CNTNAP5: variants seen among roughly 807,000 people sequenced by gnomAD.
CNTNAP5 encodes contactin-associated protein-like 5.
In CNTNAP5, 72 loss-of-function variants were observed where a neutral mutation model predicts 150.2. That is an observed-to-expected ratio of 0.48 (90% confidence interval 0.40 to 0.58). CNTNAP5 has a LOEUF of 0.58. Among genes scored for constraint, CNTNAP5 ranks in the 20% least tolerant of loss-of-function variants. CNTNAP5 has a pLI of 0.00. For synonymous variants in CNTNAP5, 672 were observed against 619.8 expected, an observed-to-expected ratio of 1.08 and a Z score of -1.25; for missense variants, 1,636 against 1,626.2, an observed-to-expected ratio of 1.01 and a Z score of -0.10.
chr2:124,516,052 G>A (rs1389361316), intron 8 of CNTNAP5, among the ~76,000 whole-genome samples: 1 of 152,072 alleles, frequency 6.6e-6, no homozygotes, highest in African/African-American at 2.4e-5. Context: ...CCAGCTTCAG[G>A]GATAAGGAAT....
intron 6 of CNTNAP5, among the ~76,000 whole-genome samples, chr2:124,459,731 C>A (rs1693203794): frequency 1.3e-5 from 2 of 148,262 alleles, no homozygotes; most frequent in Admixed American, 1.4e-4. Context: ...ACACTCTAGC[C>A]TGGGCAACAA....
At chr2:124,264,239 G>A (rs1478991199) in intron 3 of CNTNAP5, among the ~76,000 whole-genome samples, 1 of 152,034 alleles carries the variant, frequency 6.6e-6, no homozygotes, top group East Asian at 1.9e-4. Context: ...CCTTGTAAAT[G>A]TTTGATACTA....
intron 1 of CNTNAP5, among the ~76,000 whole-genome samples, chr2:124,129,210 T>C (rs962487382): frequency 6.6e-6 from 1 of 152,074 alleles, no homozygotes; most frequent in Non-Finnish European, 1.5e-5. Context: ...ATTTAATTCA[T>C]AATAAAAAGA....
intron 6 of CNTNAP5, among the ~76,000 whole-genome samples, chr2:124,462,135 A>T (rs1448651905): frequency 1.3e-5 from 2 of 152,120 alleles, no homozygotes; most frequent in Non-Finnish European, 2.9e-5. Flanking sequence ...CCTATTCCTC[A>T]ATAGCCACCA....
chr2:124,619,842 CATATATATATATATATAT>C (rs58774096), intron 12 of CNTNAP5, among the ~76,000 whole-genome samples: 1,020 of 98,420 alleles, frequency 0.01, 38 homozygotes, highest in African/African-American at 0.052. Context: ...CTGTCTCATT[CATATATATATATATATAT>C]ATATATATAT....
At chr2:124,334,399 T>C (rs1264268520) in intron 3 of CNTNAP5, among the ~76,000 whole-genome samples, 2 of 152,056 alleles carry the variant, frequency 1.3e-5, no homozygotes, top group Non-Finnish European at 2.9e-5. Context: ...CAGAAAGGCC[T>C]ATGGAGTTTT....
At position 124,915,159 on chromosome 2, in the gene CNTNAP5, T is replaced by C. The variant is rs1678738105; in HGVS notation, c.*871T>C. ...ATATATATATACACACACACACACA[T>C]ATGTGTATATATGTATATATATATG... On this transcript the variant is annotated 3_prime_UTR_variant, in exon 24 of 24. Coordinates refer to ENST00000682447, the MANE Select transcript of CNTNAP5 (RefSeq NM_001367498.1). 1.8e-5 allele frequency: 3 copies of C among 165,258 alleles called. No individual in the cohort carries two copies. Among genetic ancestry groups the C allele is most frequent in the South Asian group, 4.2e-4 (2 of 4,794 alleles). 10.2% of individuals were successfully genotyped at this position (165,258 alleles called of 1,614,324 possible). A position where few individuals can be genotyped will look rare whatever the true frequency, so the allele number is the denominator to read the frequency against.
intron 10 of CNTNAP5, among the ~76,000 whole-genome samples, chr2:124,547,054 C>T (rs11886843): frequency 0.011 from 1,656 of 152,146 alleles, 14 homozygotes; most frequent in African/African-American, 0.029. Flanking sequence ...CTGTCTTTCC[C>T]CTGTCAAACC....
intron 14 of CNTNAP5, among the ~76,000 whole-genome samples, chr2:124,759,191 GAT>G (rs1409655219): frequency 1.3e-5 from 2 of 151,672 alleles, no homozygotes; most frequent in East Asian, 3.9e-4. Flanking sequence ...TCCAGAGAGA[GAT>G]ATATATTTTG....
intron 13 of CNTNAP5, among the ~76,000 whole-genome samples, chr2:124,743,562 G>T (rs1050908100): frequency 2.6e-5 from 4 of 152,124 alleles, no homozygotes; most frequent in Non-Finnish European, 4.4e-5. Context: ...CAAGATACTT[G>T]CAGGGAGGTC....
intron 19 of CNTNAP5, among the ~76,000 whole-genome samples, chr2:124,812,845 A>G (rs1380157229): frequency 1.3e-5 from 2 of 152,112 alleles, no homozygotes; most frequent in African/African-American, 2.4e-5. Context: ...CCATGTTCTC[A>G]GGGTCTCCTG....
chr2:124,626,561 A>G (rs1009780532), intron 12 of CNTNAP5, among the ~76,000 whole-genome samples: 1 of 152,146 alleles, frequency 6.6e-6, no homozygotes, highest in Admixed American at 6.5e-5. Context: ...GATTTTTGCC[A>G]TCTGTGGATC....
At chr2:124,164,673 A>G (rs984272452) in intron 1 of CNTNAP5, among the ~76,000 whole-genome samples, 2 of 152,336 alleles carry the variant, frequency 1.3e-5, no homozygotes, top group South Asian at 4.1e-4. Flanking sequence ...AGAGAAAGGC[A>G]GAAAGGGAGA....
chr2:124,195,306 G>A (rs893596253), intron 1 of CNTNAP5, among the ~76,000 whole-genome samples: 1 of 152,168 alleles, frequency 6.6e-6, no homozygotes, highest in Non-Finnish European at 1.5e-5. Context: ...GGATCCTAGA[G>A]GAACACTACT....
chr2:124,703,024 T>C (rs2105092030), intron 13 of CNTNAP5, among the ~76,000 whole-genome samples: 1 of 152,274 alleles, frequency 6.6e-6, no homozygotes, highest in African/African-American at 2.4e-5. Flanking sequence ...AGAATAAGCA[T>C]CTAGGCATTT....
At chr2:124,533,495 G>T (rs978164546) in intron 10 of CNTNAP5, among the ~76,000 whole-genome samples, 1 of 152,190 alleles carries the variant, frequency 6.6e-6, no homozygotes, top group East Asian at 1.9e-4. Flanking sequence ...ACGTGGAATT[G>T]TGTGGAATCT....
intron 14 of CNTNAP5, among the ~76,000 whole-genome samples, chr2:124,754,493 G>A (rs191306318): frequency 3.9e-5 from 6 of 151,982 alleles, no homozygotes; most frequent in Non-Finnish European, 7.4e-5. Flanking sequence ...CTTGGCATGC[G>A]GTGGGTCCTC....
intron 19 of CNTNAP5, among the ~76,000 whole-genome samples, chr2:124,852,347 T>C (rs2104704520): frequency 6.6e-6 from 1 of 152,280 alleles, no homozygotes; most frequent in East Asian, 1.9e-4. Context: ...AGGGGCTTCC[T>C]GGCACAGATC....
intron 1 of CNTNAP5, among the ~76,000 whole-genome samples, chr2:124,163,197 G>A (rs78272167): frequency 0.081 from 12,325 of 152,116 alleles, 685 homozygotes; most frequent in Non-Finnish European, 0.13. Context: ...ATGAGGAACT[G>A]GAAGTATCAG....
Sources: allele counts gnomAD v4.1 joint callset (sites outside exome capture counted in the v4.1 genomes callset), GRCh38; gene constraint gnomAD v4.1.1; transcripts MANE v1.5; gene names NCBI Gene and HGNC (gene_info 2026-07-23, HGNC 2026-07-21).